SYNRG: variants seen among roughly 807,000 people sequenced by gnomAD.
SYNRG encodes the protein AP1 gamma subunit binding protein 1.
A neutral mutation model predicts 130.9 loss-of-function variants in SYNRG; 37 were observed. That is an observed-to-expected ratio of 0.28 (90% CI 0.22 to 0.37). The LOEUF is 0.37. SYNRG is among the 10% of genes least tolerant of loss of function. SYNRG has a pLI of 1.00. For missense variants in SYNRG, 1,338 were observed against 1,588.9 expected (o/e 0.84, Z 2.68); for synonymous variants, 539 against 568.1 (o/e 0.95, Z 0.73).
chr17:37,519,796 T>C lies in SYNRG; in HGVS notation c.3813+383A>G, dbSNP rs542290878. Among the ~76,000 whole-genome samples, 10 of 152,252 alleles carry C rather than the reference T, an allele frequency of 6.6e-5. 1 individual carries two copies. The highest frequency in any genetic ancestry group is 2.4e-4 in the African/African-American group (10 of 41,536). ...TTAGTTTTCTAATATGCACTGCAAA[T>C]AAACAAAACTCTAAAACCCAATTTG... On this transcript the variant is annotated intron_variant, in intron 21 of 21. Coordinates refer to ENST00000612223, the MANE Select transcript of SYNRG (RefSeq NM_007247.6).
intron 11 of SYNRG, among the ~76,000 whole-genome samples, chr17:37,565,599 G>A (rs1162591143): frequency 6.6e-6 from 1 of 151,676 alleles, no homozygotes; most frequent in African/African-American, 2.4e-5. Flanking sequence ...AGGAAGTGAG[G>A]AGCGCCTCTT....
chr17:37,568,542 T>C (rs1030060133), intron 11 of SYNRG: 8 of 378,568 alleles, frequency 2.1e-5, no homozygotes, highest in Non-Finnish European at 3.8e-5. Context: ...TAATAAAGGT[T>C]TGGCACAGGT....
rs1568222334 is a variant in SYNRG, at chr17:37,517,261, T to A, written c.*1679A>T. 6.6e-6 allele frequency: 1 copy of A among 152,346 alleles called. No individual in the cohort carries two copies. Among genetic ancestry groups the A allele is most frequent in the Non-Finnish European group, 1.5e-5 (1 of 68,284 alleles). The allele number at this position is 152,346 out of a possible 1,614,324, so 9.4% of individuals were successfully genotyped here. A position where few individuals can be genotyped will look rare whatever the true frequency, so the allele number is the denominator to read the frequency against. On this transcript the variant is annotated 3_prime_UTR_variant, in exon 22 of 22. Coordinates refer to ENST00000612223, the MANE Select transcript of SYNRG (RefSeq NM_007247.6). Reference sequence around the variant, plus strand: ...AAGGCCAATTAGCAGCCTGCTTGCATTCCAGCTCCATGTGGAAGTGGTGCT... The same window carrying A: ...AAGGCCAATTAGCAGCCTGCTTGCAATCCAGCTCCATGTGGAAGTGGTGCT...
rs745490700 is a variant in SYNRG, at chr17:37,538,405, T to G, written c.3436A>C (p.Asn1146His). 6.8e-6 allele frequency: 11 copies of G among 1,609,092 alleles called. No individual in the cohort carries two copies. Among genetic ancestry groups the G allele is most frequent in the Non-Finnish European group, 7.6e-6 (9 of 1,178,516 alleles). ...CTACTGATTCCATTTAAGGTATCAT[T>G]TGCCTTCTTAATGACCTACAAGAAA... ...GSALNVIKKA[N>H]DTLNGISSSS... The change falls in exon 18 of 22, where the codon AAT (asparagine) becomes CAT (histidine). Residue 1146 changes from asparagine to histidine, a missense_variant. Physicochemically the swap from Asn to His is moderately conservative, Grantham distance 68. Transcript: ENST00000612223.
In SYNRG at chr17:37,520,521, G is replaced by C; in HGVS notation, c.3777+17C>G. ...AGGGAAGCCCTTTGCTGTCTGCAAG[G>C]AGGCTGCGTGACTTACCCGGCTCCT... On this transcript the variant is annotated intron_variant, in intron 20 of 21. Coordinates refer to ENST00000612223, the MANE Select transcript of SYNRG (RefSeq NM_007247.6). The C allele has an allele frequency of 1.2e-6, 2 of 1,610,576 alleles. No homozygotes were observed. The highest frequency in any genetic ancestry group is 1.7e-6 in the Non-Finnish European group (2 of 1,176,746).
Position 37,542,583 on chromosome 17 carries a change from C to T in SYNRG, c.2609-18G>A. 5.0e-6 allele frequency: 8 copies of T among 1,591,818 alleles called. No homozygotes were observed. Among genetic ancestry groups the T allele is most frequent in the Non-Finnish European group, 6.8e-6 (8 of 1,169,830 alleles). ...CTCTATATCTGAAAGGGAAATAAGA[C>T]CCCACAATTAGAGGCAAGCAATTTA... On this transcript the variant is annotated intron_variant, in intron 14 of 21. Transcript: ENST00000612223.
chr17:37,557,934 G>A (rs1010755691), intron 13 of SYNRG, among the ~76,000 whole-genome samples: 7 of 151,996 alleles, frequency 4.6e-5, no homozygotes, highest in Admixed American at 3.3e-4. Context: ...TGTCTATTAC[G>A]GGAATACACA....
Position 37,565,482 on chromosome 17 carries a change from G to T in SYNRG, c.1481+3309C>A, listed in dbSNP as rs568536854. ...GGCCGCCACCCCGTCTGGGAAGTGA[G>T]GAGCGTCTCTGCCTGGCCGCCCATC... is the stretch of plus-strand genomic sequence containing the variant. On this transcript the variant is annotated intron_variant, in intron 11 of 21. Coordinates refer to ENST00000612223, the MANE Select transcript of SYNRG (RefSeq NM_007247.6). Among the ~76,000 whole-genome samples the T allele has an allele frequency of 2.0e-5, 3 of 152,104 alleles. No individual in the cohort carries two copies. In the East Asian group the frequency reaches 5.8e-4, roughly 30 times the overall value.
At chr17:37,584,889 T>A in intron 5 of SYNRG, 130 bp from the exon 6 acceptor site, 1 of 667,060 alleles carries the variant, frequency 1.5e-6, no homozygotes, top group Non-Finnish European at 2.5e-6. Flanking sequence ...GATAATGAAT[T>A]ATCCAAGTCA....
intron 15 of SYNRG, 86 bp from the exon 16 acceptor site, chr17:37,540,629 T>G: frequency 9.1e-7 from 1 of 1,095,590 alleles, no homozygotes; most frequent in Non-Finnish European, 1.2e-6. Flanking sequence ...ACAACCCTCT[T>G]CTTTTTTTTT....
At chr17:37,531,392 A>G (rs1446396789) in intron 19 of SYNRG, among the ~76,000 whole-genome samples, 7 of 152,220 alleles carry the variant, frequency 4.6e-5, no homozygotes, top group African/African-American at 1.7e-4. Flanking sequence ...CTCCTACCAG[A>G]GTAAAAACAC....
rs61472075 is a variant in SYNRG, at chr17:37,549,515, A to C, written c.2608+3600T>G. ...TGCTTTATGTACTATGAGTGAAAAA[A>C]AAAGGCTGAGGGTTGCTTCATCATA... On this transcript the variant is annotated intron_variant, in intron 14 of 21. Coordinates refer to ENST00000612223, the MANE Select transcript of SYNRG (RefSeq NM_007247.6). 5.0e-3 allele frequency among the ~76,000 whole-genome samples: 767 copies of C among 152,302 alleles called. 11 individuals are homozygous for C. The highest frequency in any genetic ancestry group is 0.018 in the African/African-American group (743 of 41,554).
At chr17:37,579,574 T>A (rs1201669116) in intron 6 of SYNRG, 1 of 598,276 alleles carries the variant, frequency 1.7e-6, no homozygotes, top group Non-Finnish European at 2.5e-6. Context: ...GTAACAATAG[T>A]CAAATGGAAT....
chr17:37,605,195 T>C (rs528144735), intron 1 of SYNRG, among the ~76,000 whole-genome samples: 1 of 152,360 alleles, frequency 6.6e-6, no homozygotes, highest in South Asian at 2.1e-4. Flanking sequence ...GGTATGCCTG[T>C]ATTCAGTTTT....
At chr17:37,554,661 G>A (rs1598308502) in intron 13 of SYNRG, among the ~76,000 whole-genome samples, 3 of 152,088 alleles carry the variant, frequency 2.0e-5, no homozygotes, top group African/African-American at 7.2e-5. Flanking sequence ...TTTTGAAAAG[G>A]TATCTATTTA....
chr17:37,584,410 AAATTGTCATACTGATATTT>A, intron 6 of SYNRG: 1 of 398,912 alleles, frequency 2.5e-6, no homozygotes, highest in Non-Finnish European at 4.6e-6. Flanking sequence ...CTTACAGGTG[AAATTGTCATACTGATATTT>A]AATTAGAAGA....
chr17:37,554,810 CTTATTT>C, intron 13 of SYNRG, among the ~76,000 whole-genome samples: 1 of 152,140 alleles, frequency 6.6e-6, no homozygotes, highest in Non-Finnish European at 1.5e-5. Flanking sequence ...TCAATGAGCA[CTTATTT>C]TTATTTATTA....
At chr17:37,556,973 T>C (rs886490007) in intron 13 of SYNRG, among the ~76,000 whole-genome samples, 2 of 152,162 alleles carry the variant, frequency 1.3e-5, no homozygotes, top group African/African-American at 4.8e-5. Flanking sequence ...AACTTTTCCA[T>C]TGGAAATGTA....
chr17:37,590,477 TTC>T (rs1236192567), intron 3 of SYNRG, among the ~76,000 whole-genome samples: 1 of 152,192 alleles, frequency 6.6e-6, no homozygotes, highest in African/African-American at 2.4e-5. Context: ...ACAACATATA[TTC>T]ACTCTATGAA....
Sources: gnomAD v4.1 joint callset for allele counts (sites outside exome capture counted in the v4.1 genomes callset) on GRCh38, gnomAD v4.1.1 for gene constraint, MANE v1.5 for transcripts, NCBI Gene and HGNC (gene_info 2026-07-23, HGNC 2026-07-21) for gene names.